PPARGC1A: variants seen among roughly 807,000 people sequenced by gnomAD.
PPARGC1A encodes the protein PPARG coactivator 1 alpha.
A neutral mutation model predicts 88.7 loss-of-function variants in PPARGC1A; 25 were observed. The ratio of observed to expected loss-of-function variants is 0.28; its 90% CI spans 0.21 to 0.39. The LOEUF is 0.39. Among genes scored for constraint, PPARGC1A ranks in the 10% least tolerant of loss-of-function variants. PPARGC1A has a pLI of 1.00. For missense variants in PPARGC1A, 880 were observed against 968.7 expected (o/e 0.91, Z 1.22); for synonymous variants, 363 against 355.6 (o/e 1.02, Z -0.24).
chr4:23,876,606 C>G (rs1212728690), intron 2 of PPARGC1A, among the ~76,000 whole-genome samples: 1 of 152,086 alleles, frequency 6.6e-6, no homozygotes, highest in Non-Finnish European at 1.5e-5. Flanking sequence ...AGGGATTTGA[C>G]TACTGAGTCT....
At chr4:24,222,572 A>G in the PPARGC1A span, among the ~76,000 whole-genome samples, 17 of 152,304 alleles carry the variant, frequency 1.1e-4, no homozygotes, top group South Asian at 3.5e-3. Flanking sequence ...CTCCTTTCAT[A>G]TTCTATAAGC....
the PPARGC1A span, among the ~76,000 whole-genome samples, chr4:24,312,000 G>T: frequency 6.6e-6 from 1 of 152,112 alleles, no homozygotes; most frequent in African/African-American, 2.4e-5. Flanking sequence ...AATCCCCCAC[G>T]GGAACCCACA....
chr4:24,147,960 CA>C, the PPARGC1A span, among the ~76,000 whole-genome samples: 1,797 of 147,882 alleles, frequency 0.012, 29 homozygotes, highest in African/African-American at 0.045. Context: ...AACAAACAAA[CA>C]AAAAAAATAC....
the PPARGC1A span, among the ~76,000 whole-genome samples, chr4:24,177,000 CT>C: frequency 9.1e-4 from 139 of 152,260 alleles, 3 homozygotes; most frequent in East Asian, 0.025. Flanking sequence ...GAATCTTGGA[CT>C]TTTTTACACT....
chr4:23,818,296 G>C (rs934176408), intron 7 of PPARGC1A, among the ~76,000 whole-genome samples: 1 of 152,176 alleles, frequency 6.6e-6, no homozygotes. Flanking sequence ...AGGCTGACAA[G>C]AGGCAGTTCC....
the PPARGC1A span, among the ~76,000 whole-genome samples, chr4:24,148,284 T>C: frequency 6.6e-6 from 1 of 152,208 alleles, no homozygotes; most frequent in Non-Finnish European, 1.5e-5. Context: ...ATCTTGTCCC[T>C]GTATCTTTGG....
At chr4:24,178,841 T>C in the PPARGC1A span, among the ~76,000 whole-genome samples, 1 of 152,246 alleles carries the variant, frequency 6.6e-6, no homozygotes, top group African/African-American at 2.4e-5. Context: ...CAACTGGTGA[T>C]GAACAAATGC....
the PPARGC1A span, among the ~76,000 whole-genome samples, chr4:24,437,608 TG>T: frequency 6.9e-6 from 1 of 145,788 alleles, no homozygotes; most frequent in Admixed American, 6.7e-5. Flanking sequence ...TTGTTGTTGT[TG>T]TTGTTGTTGT....
the PPARGC1A span, among the ~76,000 whole-genome samples, chr4:24,181,182 T>C: frequency 6.6e-6 from 1 of 152,230 alleles, no homozygotes; most frequent in Non-Finnish European, 1.5e-5. Context: ...GAATTACTAA[T>C]AGTTAAAAAT....
At chr4:23,991,414 A>C in the PPARGC1A span, among the ~76,000 whole-genome samples, 1 of 152,100 alleles carries the variant, frequency 6.6e-6, no homozygotes, top group Non-Finnish European at 1.5e-5. Flanking sequence ...ACACTGAGAA[A>C]ATTACTCAGA....
chr4:24,355,744 C>T, the PPARGC1A span, among the ~76,000 whole-genome samples: 15 of 151,930 alleles, frequency 9.9e-5, no homozygotes, highest in African/African-American at 1.5e-4. Context: ...GAGAGACAAG[C>T]GACACACAAA....
chr4:24,312,305 T>C, the PPARGC1A span, among the ~76,000 whole-genome samples: 2 of 152,210 alleles, frequency 1.3e-5, no homozygotes, highest in Non-Finnish European at 2.9e-5. Context: ...CAAACGCACT[T>C]GTGGCTTGCC....
the PPARGC1A span, among the ~76,000 whole-genome samples, chr4:24,451,202 T>C: frequency 4.6e-5 from 7 of 152,212 alleles, no homozygotes; most frequent in Non-Finnish European, 8.8e-5. Flanking sequence ...AAAATGGATA[T>C]TGTTTCTATA....
chr4:23,923,216 A>G, the PPARGC1A span, among the ~76,000 whole-genome samples: 1 of 151,616 alleles, frequency 6.6e-6, no homozygotes, highest in Admixed American at 6.6e-5. Context: ...GGAAAGTATT[A>G]CTGAAGGCAT....
the PPARGC1A span, among the ~76,000 whole-genome samples, chr4:23,954,517 G>C: frequency 6.6e-6 from 1 of 151,966 alleles, no homozygotes; most frequent in Non-Finnish European, 1.5e-5. Context: ...TTAATGTGAA[G>C]AAGTTTAAGT....
At chr4:24,370,503 T>C in the PPARGC1A span, among the ~76,000 whole-genome samples, 1 of 152,312 alleles carries the variant, frequency 6.6e-6, no homozygotes, top group South Asian at 2.1e-4. Context: ...ATGATCATAG[T>C]ATTAAGTTGG....
chr4:23,899,089 C>G (rs996011010), intron 1 of PPARGC1A, among the ~76,000 whole-genome samples: 6 of 151,818 alleles, frequency 4.0e-5, no homozygotes, highest in South Asian at 2.1e-4. Flanking sequence ...ATCCACCCCC[C>G]CCCGGCCTTG....
the PPARGC1A span, among the ~76,000 whole-genome samples, chr4:24,376,364 G>T: frequency 6.6e-6 from 1 of 152,296 alleles, no homozygotes; most frequent in East Asian, 1.9e-4. Flanking sequence ...AAAGCGGTCA[G>T]CTCTTCATGA....
At chr4:24,155,341 G>A in the PPARGC1A span, among the ~76,000 whole-genome samples, 7 of 151,740 alleles carry the variant, frequency 4.6e-5, no homozygotes, top group African/African-American at 1.7e-4. Context: ...ACAAGCAGAG[G>A]GCTGGGCACA....
Sources: gnomAD v4.1 joint callset for allele counts (sites outside exome capture counted in the v4.1 genomes callset) on GRCh38, gnomAD v4.1.1 for gene constraint, MANE v1.5 for transcripts, NCBI Gene and HGNC (gene_info 2026-07-23, HGNC 2026-07-21) for gene names.